MRTFB: variants seen among roughly 807,000 people sequenced by gnomAD.
MRTFB encodes myocardin related transcription factor B, also known as myocardin-related transcription factor B.
MRTFB carries 29 observed loss-of-function variants against 104.2 expected under a neutral mutation model. That is an observed-to-expected ratio of 0.28 (90% CI 0.21 to 0.38). The LOEUF (loss-of-function observed/expected upper bound fraction) is 0.38, where lower values mean the gene tolerates loss of function less well. Ranked by LOEUF, MRTFB falls within the 10% of genes least tolerant of loss-of-function variation. The pLI is 1.00. For missense variants in MRTFB, 1,270 were observed against 1,341.6 expected (o/e 0.95, Z 0.83); for synonymous variants, 535 against 519.5 (o/e 1.03, Z -0.41).
the MRTFB span, among the ~76,000 whole-genome samples, chr16:14,023,824 G>A: frequency 6.6e-6 from 1 of 152,144 alleles, no homozygotes; most frequent in African/African-American, 2.4e-5. Flanking sequence ...GCTGAGGCTG[G>A]CAGATAACCT....
chr16:14,018,218 T>C, the MRTFB span, among the ~76,000 whole-genome samples: 1 of 152,188 alleles, frequency 6.6e-6, no homozygotes, highest in African/African-American at 2.4e-5. Flanking sequence ...ACTGCACTGC[T>C]TGTTGTAAAT....
intron 2 of MRTFB, among the ~76,000 whole-genome samples, chr16:14,085,707 A>G (rs1454674424): frequency 6.6e-6 from 1 of 152,184 alleles, no homozygotes; most frequent in Non-Finnish European, 1.5e-5. Flanking sequence ...GTTGGTAAAT[A>G]TTGTCATTGT....
intron 2 of MRTFB, among the ~76,000 whole-genome samples, chr16:14,135,819 T>C (rs1017020950): frequency 6.6e-6 from 1 of 152,204 alleles, no homozygotes; most frequent in African/African-American, 2.4e-5. Context: ...TGTCATGCCC[T>C]CTACACTGGC....
intron 10 of MRTFB, among the ~76,000 whole-genome samples, chr16:14,243,199 C>T (rs952677652): frequency 1.3e-5 from 2 of 152,126 alleles, no homozygotes; most frequent in African/African-American, 4.8e-5. Flanking sequence ...AAATATTTGC[C>T]ACTTCATCCA....
chr16:14,014,744 T>C, the MRTFB span, among the ~76,000 whole-genome samples: 1 of 152,110 alleles, frequency 6.6e-6, no homozygotes, highest in Non-Finnish European at 1.5e-5. Flanking sequence ...GGTGGGTGCC[T>C]GTAATCCCAG....
chr16:14,128,357 C>T (rs766994180), intron 2 of MRTFB, among the ~76,000 whole-genome samples: 2 of 152,150 alleles, frequency 1.3e-5, no homozygotes, highest in Non-Finnish European at 2.9e-5. Context: ...TTCGTGGTCT[C>T]GACCAGTTGG....
chr16:14,218,787 A>G (rs1021048612), intron 7 of MRTFB, 33 bp from the exon 8 acceptor site: 9 of 1,564,912 alleles, frequency 5.8e-6, no homozygotes, highest in African/African-American at 1.4e-5. Context: ...CAAAGCCAAC[A>G]TAAGTCAAGT....
At chr16:14,161,315 A>G (rs2142902869) in intron 3 of MRTFB, among the ~76,000 whole-genome samples, 1 of 152,222 alleles carries the variant, frequency 6.6e-6, no homozygotes, top group South Asian at 2.1e-4. Context: ...ATGGAGAGTG[A>G]GAAATAGGCA....
At position 14,132,889 on chromosome 16, in the gene MRTFB, C is replaced by A. The variant is rs1253414859; in HGVS notation, c.-63-7655C>A. 2.0e-5 allele frequency among the ~76,000 whole-genome samples: 3 copies of A among 152,276 alleles called. No homozygotes were observed. The East Asian group carries it at 5.8e-4, about 29-fold the overall frequency. On this transcript the variant is annotated intron_variant, in intron 2 of 16. Transcript: ENST00000571589. ...TCTGACTAACTGAGTTGTGTCCTAA[C>A]CACAAGTCAGCTGTGTTTGTTCCTA...
intron 3 of MRTFB, among the ~76,000 whole-genome samples, chr16:14,209,484 A>G (rs1489194624): frequency 1.3e-5 from 2 of 152,180 alleles, no homozygotes; most frequent in African/African-American, 4.8e-5. Context: ...AAATAGTCTC[A>G]TTTTCCAGAT....
At chr16:14,182,967 A>C (rs1178658800) in intron 3 of MRTFB, among the ~76,000 whole-genome samples, 1 of 152,166 alleles carries the variant, frequency 6.6e-6, no homozygotes, top group Non-Finnish European at 1.5e-5. Context: ...GGAATGATGG[A>C]GTTTTCAAAT....
intron 10 of MRTFB, among the ~76,000 whole-genome samples, chr16:14,245,220 G>T (rs938859344): frequency 2.0e-5 from 3 of 152,130 alleles, no homozygotes; most frequent in African/African-American, 4.8e-5. Context: ...CATTAATTAC[G>T]TGTTGATGTC....
At position 14,140,711 on chromosome 16, in the gene MRTFB, C is replaced by T. The variant is rs769397357; in HGVS notation, c.105C>T (p.Leu35=). 2 of 1,614,136 alleles carry T rather than the reference C, an allele frequency of 1.2e-6. No homozygotes were observed. The highest frequency in any genetic ancestry group is 3.3e-5 in the Admixed American group (2 of 60,014). ...SEAVAHEFQE[L]SLQSSQNLPP... ...CTGTGGCTCATGAATTCCAGGAACT[C>T]TCCTTGCAGTCCAGTCAAAACTTAC... The change falls in exon 3 of 17, where the codon CTC becomes CTT. Residue 35 remains leucine (L), a synonymous_variant. Coordinates refer to ENST00000571589, the MANE Select transcript of MRTFB (RefSeq NM_001308142.2).
chr16:14,194,876 TA>T (rs2040362508), intron 3 of MRTFB, among the ~76,000 whole-genome samples: 1 of 152,104 alleles, frequency 6.6e-6, no homozygotes, highest in African/African-American at 2.4e-5. Flanking sequence ...GTGATAGCCG[TA>T]AAGCTCCCAG....
At chr16:14,186,650 A>G in intron 3 of MRTFB, 1 of 1,234,334 alleles carries the variant, frequency 8.1e-7, no homozygotes, top group Non-Finnish European at 1.0e-6. Context: ...GTGGGATTTT[A>G]GAATCGTGCC....
intron 2 of MRTFB, among the ~76,000 whole-genome samples, chr16:14,087,755 A>G (rs1043313313): frequency 1.3e-5 from 2 of 152,178 alleles, no homozygotes; most frequent in African/African-American, 4.8e-5. Flanking sequence ...ATATCCTCCT[A>G]CATCTTTTCT....
At chr16:14,175,555 A>G (rs776098790) in intron 3 of MRTFB, among the ~76,000 whole-genome samples, 1 of 152,230 alleles carries the variant, frequency 6.6e-6, no homozygotes, top group Non-Finnish European at 1.5e-5. Context: ...ATACATTTAT[A>G]TTGAAGAAAC....
At chr16:14,141,025 A>T (rs1365830631) in intron 3 of MRTFB, 1 of 355,580 alleles carries the variant, frequency 2.8e-6, no homozygotes, top group African/African-American at 2.1e-5. Flanking sequence ...GCACAAGCAG[A>T]TGATTTCATG....
At chr16:14,184,797 G>C (rs771682133) in intron 3 of MRTFB, among the ~76,000 whole-genome samples, 2 of 152,192 alleles carry the variant, frequency 1.3e-5, no homozygotes, top group Non-Finnish European at 2.9e-5. Context: ...GCATATTCTA[G>C]AAGACAGAAG....
Sources: allele counts gnomAD v4.1 joint callset (sites outside exome capture counted in the v4.1 genomes callset), GRCh38; gene constraint gnomAD v4.1.1; transcripts MANE v1.5; gene names NCBI Gene and HGNC (gene_info 2026-07-23, HGNC 2026-07-21).